The following COL4A4 variants were observed in gnomAD, a reference collection of about 807,000 sequenced individuals.
The protein encoded by COL4A4 is collagen alpha-4(IV) chain.
In COL4A4, 105 loss-of-function variants were observed where a neutral mutation model predicts 192.9. That is an observed-to-expected ratio of 0.54 (90% CI 0.46 to 0.64). The LOEUF (loss-of-function observed/expected upper bound fraction) is 0.64, where lower values mean the gene tolerates loss of function less well. Among genes scored for constraint, COL4A4 ranks in the 30% least tolerant of loss-of-function variants. COL4A4 has a pLI of 0.00. For synonymous variants in COL4A4, 762 were observed against 769.9 expected, an observed-to-expected ratio of 0.99 and a Z score of 0.17; for missense variants, 1,967 against 2,169.3, an observed-to-expected ratio of 0.91 and a Z score of 1.85.
intron 25 of COL4A4, among the ~76,000 whole-genome samples, chr2:227,067,737 T>C (rs141971056): frequency 0.17 from 25,313 of 152,096 alleles, 2,788 homozygotes; most frequent in African/African-American, 0.31. Context: ...GGGAAATTTA[T>C]AGCACTAAAT....
Position 227,085,223 on chromosome 2 carries a change from G to T in COL4A4, c.1624-3036C>A, listed in dbSNP as rs144712343. ...TCAGTCTAGATAAGGGACATCAACT[G>T]CAGATGCCTACAGGGGTGGCGCCTG... On this transcript the variant is annotated intron_variant, in intron 22 of 47. Coordinates refer to ENST00000396625, the MANE Select transcript of COL4A4 (RefSeq NM_000092.5). Among the ~76,000 whole-genome samples the T allele has an allele frequency of 2.0e-5, 3 of 152,244 alleles. No individual in the cohort carries two copies. In the East Asian group the frequency reaches 5.8e-4, roughly 29 times the overall value.
intron 33 of COL4A4, among the ~76,000 whole-genome samples, chr2:227,050,542 T>C (rs1163020400): frequency 1.3e-5 from 2 of 152,252 alleles, no homozygotes; most frequent in African/African-American, 4.8e-5. Context: ...TGTTGGCAAC[T>C]ACATGTATTG....
chr2:227,143,442 T>C (rs971046356), intron 3 of COL4A4, among the ~76,000 whole-genome samples: 9 of 152,220 alleles, frequency 5.9e-5, no homozygotes, highest in African/African-American at 2.2e-4. Context: ...TCGATTTGTA[T>C]TGCTACCTTT....
At chr2:227,080,582 T>C (rs1576369768) in intron 23 of COL4A4, 33 bp from the exon 24 acceptor site, 2 of 1,572,448 alleles carry the variant, frequency 1.3e-6, no homozygotes, top group East Asian at 4.5e-5. Context: ...ATTCAAGCTC[T>C]TATCAGCAGA....
At chr2:227,050,037 G>T in intron 34 of COL4A4, 31 bp downstream of exon 34, 1 of 1,597,708 alleles carries the variant, frequency 6.3e-7, no homozygotes, top group Non-Finnish European at 8.6e-7. Flanking sequence ...CTATGCATTT[G>T]ACAGATGGCT....
chr2:226,975,211 A>G, the COL4A4 span, among the ~76,000 whole-genome samples: 9 of 152,164 alleles, frequency 5.9e-5, no homozygotes, highest in Admixed American at 1.3e-4. Context: ...TCATAACAGG[A>G]CCATGTAGAA....
chr2:227,163,806 T>G (rs2065055530), intron 1 of COL4A4, among the ~76,000 whole-genome samples: 2 of 152,276 alleles, frequency 1.3e-5, no homozygotes, highest in South Asian at 4.1e-4. Flanking sequence ...AGCCTCCAAA[T>G]TAATCAAAAC....
chr2:227,125,333 C>G (rs978124039), intron 4 of COL4A4, among the ~76,000 whole-genome samples: 1 of 151,934 alleles, frequency 6.6e-6, no homozygotes, highest in African/African-American at 2.4e-5. Flanking sequence ...TCAGCCTCCC[C>G]CCGTAGCTGG....
At chr2:227,089,838 CT>C in intron 21 of COL4A4, 29 bp downstream of exon 21, 2 of 1,557,386 alleles carry the variant, frequency 1.3e-6, no homozygotes, top group Admixed American at 1.7e-5. Flanking sequence ...CAGTTGTCTT[CT>C]AGAAATTCTA....
intron 6 of COL4A4, among the ~76,000 whole-genome samples, chr2:227,119,619 A>C (rs2061670375): frequency 6.7e-6 from 1 of 148,702 alleles, no homozygotes; most frequent in South Asian, 2.1e-4. Flanking sequence ...GATTGAAAGT[A>C]ACAGCAAAAA....
At chr2:227,066,692 G>A (rs1171823593) in intron 25 of COL4A4, among the ~76,000 whole-genome samples, 1 of 149,244 alleles carries the variant, frequency 6.7e-6, no homozygotes, top group Non-Finnish European at 1.5e-5. Context: ...CACCAGGCCT[G>A]CCCTAAAAGA....
chr2:227,002,811 C>G lies in COL4A4; in HGVS notation c.*4514G>C, dbSNP rs1156618648. ...TGCCAATGGCAGACCAGGCATCTTG[C>G]AAAAGTTACATGCTGAAAGTCTTTA... On this transcript the variant is annotated 3_prime_UTR_variant, in exon 48 of 48. Transcript: ENST00000396625. 4 of 152,568 alleles carry G rather than the reference C, an allele frequency of 2.6e-5. No individual in the cohort carries two copies. Among genetic ancestry groups the G allele is most frequent in the African/African-American group, 9.7e-5 (4 of 41,394 alleles). The allele number at this position is 152,568 out of a possible 1,614,324, so 9.5% of individuals were successfully genotyped here. A position where few individuals can be genotyped will look rare whatever the true frequency, so the allele number is the denominator to read the frequency against.
At chr2:226,982,752 T>C in the COL4A4 span, among the ~76,000 whole-genome samples, 1 of 152,236 alleles carries the variant, frequency 6.6e-6, no homozygotes, top group Admixed American at 6.5e-5. Context: ...GTGTGTTAGC[T>C]TGTTCTTTCA....
chr2:227,098,407 G>A (rs1222644765), intron 19 of COL4A4, among the ~76,000 whole-genome samples: 1 of 152,140 alleles, frequency 6.6e-6, no homozygotes, highest in African/African-American at 2.4e-5. Context: ...CTGGGGTGCA[G>A]CTGAGAAACC....
In COL4A4 at chr2:227,041,940, A is replaced by G. The variant is rs186022635; in HGVS notation, c.3505+208T>C. 1.9e-3 allele frequency among the ~76,000 whole-genome samples: 282 copies of G among 151,440 alleles called. 1 individual carries two copies. Among genetic ancestry groups the G allele is most frequent in the Non-Finnish European group, 3.4e-3 (229 of 67,858 alleles). On this transcript the variant is annotated intron_variant, in intron 37 of 47. Coordinates refer to ENST00000396625, the MANE Select transcript of COL4A4 (RefSeq NM_000092.5). ...AAAGAAAGAAAATGGTAGCACTACC[A>G]TTCTCCCTGGTAGAAGGCAGGTCAG...
chr2:227,043,134 T>C lies in COL4A4; in HGVS notation c.3340A>G (p.Arg1114Gly). The stretch of plus-strand genomic sequence containing the variant: ...GGCCCTGGCCTTCCAGGTGATCCTC[T>C]GGGCCCTTGAATACCAGGCAAGCCC... ...EQGLPGIQGP[R>G]GSPGRPGPPG... Residue 1114 changes from arginine (R) to glycine (G), a missense_variant, in exon 36 of 48, where the codon AGA becomes GGA. Arg to Gly is a moderately radical substitution (Grantham distance 125). Transcript: ENST00000396625. 1 of 1,614,150 alleles carries C rather than the reference T, an allele frequency of 6.2e-7. No individual in the cohort carries two copies. The highest frequency in any genetic ancestry group is 2.2e-5 in the East Asian group (1 of 44,872).
intron 43 of COL4A4, 30 bp downstream of exon 43, chr2:227,025,772 G>A: frequency 1.2e-6 from 2 of 1,604,576 alleles, no homozygotes; most frequent in Non-Finnish European, 1.7e-6. Flanking sequence ...CAGAGTGAGG[G>A]GAAATTACCA....
In COL4A4 at chr2:227,108,875, C is replaced by T. The variant is rs746408938; in HGVS notation, c.658-7G>A. 2 of 1,610,814 alleles carry T rather than the reference C, an allele frequency of 1.2e-6. No homozygotes were observed. Among genetic ancestry groups the T allele is most frequent in the Non-Finnish European group, 1.7e-6 (2 of 1,177,980 alleles). On this transcript the variant is annotated splice_polypyrimidine_tract_variant and splice_region_variant and intron_variant, in intron 10 of 47. Coordinates refer to ENST00000396625, the MANE Select transcript of COL4A4 (RefSeq NM_000092.5). ...CTGGTTGGCCCGGAGGTCCCTAAAT[C>T]AAGGGAGAAAAAAACACAAATCAAT...
intron 25 of COL4A4, among the ~76,000 whole-genome samples, chr2:227,070,480 C>A (rs1006283377): frequency 1.3e-5 from 2 of 151,822 alleles, no homozygotes; most frequent in East Asian, 1.9e-4. Context: ...AAATGTCCAA[C>A]AATGATAGAC....
Sources: gnomAD v4.1 joint callset for allele counts (sites outside exome capture counted in the v4.1 genomes callset) on GRCh38, gnomAD v4.1.1 for gene constraint, MANE v1.5 for transcripts, NCBI Gene and HGNC (gene_info 2026-07-23, HGNC 2026-07-21) for gene names.